The following MEGF9 variants were observed in gnomAD, a reference collection of about 807,000 sequenced individuals.
MEGF9 encodes the protein multiple epidermal growth factor-like domains protein 9.
A neutral mutation model predicts 46.8 loss-of-function variants in MEGF9; 6 were observed. The observed-to-expected ratio is 0.13, with a 90% CI of 0.07 to 0.25. MEGF9 has a LOEUF of 0.25. Among genes scored for constraint, MEGF9 ranks in the 10% least tolerant of loss-of-function variants. MEGF9 has a pLI of 1.00. For synonymous variants in MEGF9, 302 were observed against 330.7 expected, an observed-to-expected ratio of 0.91 and a Z score of 0.94; for missense variants, 683 against 792.4, an observed-to-expected ratio of 0.86 and a Z score of 1.66.
chr9:120,626,699 C>T (rs983251208), intron 2 of MEGF9, among the ~76,000 whole-genome samples: 2 of 152,236 alleles, frequency 1.3e-5, no homozygotes, highest in African/African-American at 4.8e-5. Context: ...AAAGGAGTAT[C>T]AGAGTTTATG....
chr9:120,713,478 T>C (rs760356658), intron 1 of MEGF9, among the ~76,000 whole-genome samples: 2 of 151,988 alleles, frequency 1.3e-5, no homozygotes, highest in Non-Finnish European at 2.9e-5. Context: ...CCCATTCTGG[T>C]CTCTGAAAAA....
chr9:120,697,858 G>A (rs1038891441), intron 1 of MEGF9, among the ~76,000 whole-genome samples: 1 of 152,096 alleles, frequency 6.6e-6, no homozygotes, highest in Non-Finnish European at 1.5e-5. Context: ...TTTGCTGGGG[G>A]AGGATAGGGG....
intron 1 of MEGF9, among the ~76,000 whole-genome samples, chr9:120,693,247 A>G (rs111398763): frequency 4.0e-5 from 6 of 149,812 alleles, no homozygotes; most frequent in African/African-American, 1.5e-4. Context: ...GAAAAAATAA[A>G]GAGGATTTGA....
intron 1 of MEGF9, among the ~76,000 whole-genome samples, chr9:120,666,737 G>A (rs2043726804): frequency 6.6e-6 from 1 of 152,138 alleles, no homozygotes; most frequent in Non-Finnish European, 1.5e-5. Flanking sequence ...CCAAAACCTG[G>A]AAATCACCCA....
intron 1 of MEGF9, among the ~76,000 whole-genome samples, chr9:120,711,977 C>T (rs1274096863): frequency 6.6e-6 from 1 of 152,122 alleles, no homozygotes; most frequent in Non-Finnish European, 1.5e-5. Flanking sequence ...TCCCAGCAGG[C>T]CTGGTGAAGT....
At chr9:120,695,925 A>C (rs1188799234) in intron 1 of MEGF9, among the ~76,000 whole-genome samples, 4 of 152,200 alleles carry the variant, frequency 2.6e-5, no homozygotes, top group Non-Finnish European at 2.9e-5. Context: ...TTGAGGTTCC[A>C]ACAATCAGAT....
intron 1 of MEGF9, among the ~76,000 whole-genome samples, chr9:120,676,217 G>A (rs1297838653): frequency 6.6e-6 from 1 of 152,164 alleles, no homozygotes; most frequent in Non-Finnish European, 1.5e-5. Flanking sequence ...GATCACTTGA[G>A]TCCACAAGTT....
chr9:120,629,002 G>A (rs2043539341), intron 2 of MEGF9, among the ~76,000 whole-genome samples: 1 of 152,002 alleles, frequency 6.6e-6, no homozygotes, highest in African/African-American at 2.4e-5. Flanking sequence ...TTGATACAGG[G>A]TCTCACTGTG....
At chr9:120,653,668 G>A (rs1012921666) in intron 2 of MEGF9, among the ~76,000 whole-genome samples, 2 of 151,990 alleles carry the variant, frequency 1.3e-5, no homozygotes, top group African/African-American at 4.8e-5. Flanking sequence ...CACCGCGCCC[G>A]GCCTTTATTT....
intron 3 of MEGF9, among the ~76,000 whole-genome samples, chr9:120,618,987 T>A (rs2043485659): frequency 6.6e-6 from 1 of 152,178 alleles, no homozygotes; most frequent in South Asian, 2.1e-4. Context: ...AGTCTAATTA[T>A]ATGGCATAAG....
chr9:120,629,415 A>G (rs111562690), intron 2 of MEGF9, among the ~76,000 whole-genome samples: 4,054 of 152,020 alleles, frequency 0.027, 210 homozygotes, highest in African/African-American at 0.094. Flanking sequence ...CAAGGAAGGC[A>G]GATCACTTGA....
intron 1 of MEGF9, 29 bp downstream of exon 1, chr9:120,713,729 T>C: frequency 7.8e-7 from 1 of 1,278,798 alleles, no homozygotes; most frequent in Non-Finnish European, 9.9e-7. Flanking sequence ...TGAGGACGGG[T>C]CCTGCCCGAG....
At chr9:120,711,053 G>A (rs1412731717) in intron 1 of MEGF9, among the ~76,000 whole-genome samples, 3 of 152,166 alleles carry the variant, frequency 2.0e-5, no homozygotes, top group Non-Finnish European at 2.9e-5. Flanking sequence ...TAAAAGCCTT[G>A]AACAACAGTT....
intron 1 of MEGF9, among the ~76,000 whole-genome samples, chr9:120,661,292 T>A (rs568321137): frequency 6.6e-6 from 1 of 152,278 alleles, no homozygotes; most frequent in Non-Finnish European, 1.5e-5. Context: ...GGTGGGCAGA[T>A]CACTTGAGCT....
At position 120,714,394 on chromosome 9, in the gene MEGF9, T is replaced by C; in HGVS notation, c.-36A>G. 7.9e-7 allele frequency: 1 copy of C among 1,258,506 alleles called. No homozygotes were observed. Among genetic ancestry groups the C allele is most frequent in the South Asian group, 2.5e-5 (1 of 40,758 alleles). The allele number at this position is 1,258,506 out of a possible 1,614,324, so 78.0% of individuals were successfully genotyped here. ...AGTCGGTTGGTCAGTCATCTTCTCCTCGTTGCAATCCGACCAAGGAAGCCT... is the reference window on the plus strand; with the variant it reads ...AGTCGGTTGGTCAGTCATCTTCTCCCCGTTGCAATCCGACCAAGGAAGCCT... On this transcript the variant is annotated 5_prime_UTR_variant, in exon 1 of 6. Coordinates refer to ENST00000373930, the MANE Select transcript of MEGF9 (RefSeq NM_001080497.3).
intron 2 of MEGF9, among the ~76,000 whole-genome samples, chr9:120,636,866 C>T (rs1321261969): frequency 4.6e-5 from 7 of 151,628 alleles, no homozygotes; most frequent in African/African-American, 1.5e-4. Flanking sequence ...GGGGGGGCCC[C>T]TCTGCCCGGC....
rs1408442619 is a variant in MEGF9, at chr9:120,622,649, T to C, written c.910A>G (p.Asn304Asp). Residue 304 changes from asparagine (N) to aspartate (D), a missense_variant, in exon 3 of 6, where the codon AAT becomes GAT. Coordinates refer to ENST00000373930, the MANE Select transcript of MEGF9 (RefSeq NM_001080497.3). The stretch of plus-strand genomic sequence containing the variant: ...GCATCGCAACTGGCAGACCGATTAT[T>C]GCATTGGCAGGGCAAGCAGCCATTC... ...SKNGCLPCQC[N>D]NRSASCDALT... The C allele has an allele frequency of 1.9e-6, 3 of 1,613,732 alleles. No individual in the cohort carries two copies. The highest frequency in any genetic ancestry group is 4.5e-5 in the East Asian group (2 of 44,886).
intron 2 of MEGF9, among the ~76,000 whole-genome samples, chr9:120,645,741 T>A (rs1302494564): frequency 6.6e-6 from 1 of 152,226 alleles, no homozygotes; most frequent in African/African-American, 2.4e-5. Flanking sequence ...TATCTATTGT[T>A]TGCTACCCTC....
chr9:120,660,645 C>T (rs1056844990), intron 1 of MEGF9, among the ~76,000 whole-genome samples: 1 of 152,120 alleles, frequency 6.6e-6, no homozygotes, highest in Non-Finnish European at 1.5e-5. Context: ...TTTTAGCCTT[C>T]TAATGCAAAG....
Sources: gnomAD v4.1 joint callset for allele counts (sites outside exome capture counted in the v4.1 genomes callset) on GRCh38, gnomAD v4.1.1 for gene constraint, MANE v1.5 for transcripts, NCBI Gene and HGNC (gene_info 2026-07-23, HGNC 2026-07-21) for gene names.